The following SNX15 variants were observed in gnomAD, a reference collection of about 807,000 sequenced individuals.
SNX15 encodes the protein sorting nexin-15.
Under a neutral mutation model 35.2 loss-of-function variants are expected in SNX15, and 29 were observed. The observed-to-expected ratio is 0.82, with a 90% CI of 0.61 to 1.12. SNX15 has a LOEUF of 1.12. Ranked by LOEUF, SNX15 falls within the 50% of genes most tolerant of loss-of-function variation. The pLI, the probability that SNX15 is intolerant of heterozygous loss-of-function variation, is 0.00. For missense variants in SNX15, 400 were observed against 451.5 expected (o/e 0.89, Z 1.03); for synonymous variants, 189 against 188.2 (o/e 1.00, Z -0.03).
chr11:65,038,350 T>C, intron 6 of SNX15: 1 of 1,182,004 alleles, frequency 8.5e-7, no homozygotes, highest in Non-Finnish European at 1.1e-6. Flanking sequence ...AAAGACATAA[T>C]TAGGAAGGTA....
Position 65,032,507 on chromosome 11 carries a change from G to T in SNX15, c.212G>T (p.Arg71Leu), listed in dbSNP as rs530595640. The change falls in exon 3 of 8, where the codon CGC becomes CTC. Residue 71 changes from arginine (R) to leucine (L), a missense_variant. Coordinates refer to ENST00000377244, the MANE Select transcript of SNX15 (RefSeq NM_013306.5). ...GCCTACACCCACCGCAACCTCTTCC[G>T]CCGCCTCGAGGAGTTCCCTGCTTTC... ...DLAYTHRNLFRRLEEFPAFPR... is the reference protein window; with the variant it reads ...DLAYTHRNLFLRLEEFPAFPR... 1.9e-6 allele frequency: 3 copies of T among 1,614,130 alleles called. No homozygotes were observed. The highest frequency in any genetic ancestry group is 2.5e-6 in the Non-Finnish European group (3 of 1,180,036).
chr11:65,031,287 G>T (rs995199796), intron 1 of SNX15, among the ~76,000 whole-genome samples: 7 of 152,214 alleles, frequency 4.6e-5, no homozygotes, highest in African/African-American at 1.7e-4. Flanking sequence ...GCCCCCTAAA[G>T]TGCTGGCATT....
Position 65,035,225 on chromosome 11 carries a change from A to T in SNX15, c.520+19A>T, listed in dbSNP as rs1284349433. On this transcript the variant is annotated intron_variant, in intron 5 of 7. Transcript: ENST00000377244. ...GTGCCAGGTACATCGGGGTGGGAGG[A>T]GGGAACCAGGGCTGGAGGGTGCAGA... 1 of 1,549,096 alleles carries T rather than the reference A, an allele frequency of 6.5e-7. No homozygotes were observed. The highest frequency in any genetic ancestry group is 2.3e-5 in the East Asian group (1 of 43,742).
At chr11:65,031,582 G>A (rs1471344016) in intron 1 of SNX15, among the ~76,000 whole-genome samples, 4 of 152,204 alleles carry the variant, frequency 2.6e-5, no homozygotes, top group Non-Finnish European at 5.9e-5. Flanking sequence ...GAAGTAGATG[G>A]AGGGACTTGG....
Position 65,032,296 on chromosome 11 carries a change from T to C in SNX15, c.135+93T>C, listed in dbSNP as rs1285855581. 1.9e-6 allele frequency: 3 copies of C among 1,571,428 alleles called. No homozygotes were observed. The East Asian group carries it at 6.7e-5, about 35-fold the overall frequency. On this transcript the variant is annotated intron_variant, in intron 2 of 7. Coordinates refer to ENST00000377244, the MANE Select transcript of SNX15 (RefSeq NM_013306.5). The stretch of plus-strand genomic sequence containing the variant: ...GGTAACTCTGCTTGGACATCGGCCC[T>C]CCTTCCTCCCTGTCCCTGGGCGAGG...
rs148167643 is a variant in SNX15 at position 65,027,545 on chromosome 11, G to A, written c.8G>A (p.Arg3His). The change falls in exon 1 of 8, where the codon CGC (arginine) becomes CAC (histidine). Residue 3 changes from arginine (R) to histidine (H), a missense_variant. Physicochemically the swap from Arg to His is conservative, Grantham distance 29. Coordinates refer to ENST00000377244, the MANE Select transcript of SNX15 (RefSeq NM_013306.5). The part of the protein sequence containing the change: MS[R>H]QAKDDFLRHY... ...CCGCTCCAGCTCGGTTTCATGTCCCGCCAGGCGAAGGATGACTTCCTGCGG... is the reference window on the plus strand; with the variant it reads ...CCGCTCCAGCTCGGTTTCATGTCCCACCAGGCGAAGGATGACTTCCTGCGG... 4 of 1,613,810 alleles carry A rather than the reference G, an allele frequency of 2.5e-6. No individual in the cohort carries two copies. Among genetic ancestry groups the A allele is most frequent in the South Asian group, 1.1e-5 (1 of 91,082 alleles).
Position 65,032,545 on chromosome 11 carries a change from G to C in SNX15, c.250G>C (p.Val84Leu). The stretch of plus-strand genomic sequence containing the variant: ...GTTCCCTGCTTTCCCCCGGGCCCAG[G>C]TGTTTGGTGAGTGTTAGATTGGGGC... ...EEFPAFPRAQ[V>L]FGRFEASVIE... Residue 84 changes from valine to leucine, a missense_variant, in exon 3 of 8, where the codon GTG becomes CTG. Physicochemically the swap from Val to Leu is conservative, Grantham distance 32. Coordinates refer to ENST00000377244, the MANE Select transcript of SNX15 (RefSeq NM_013306.5). The C allele has an allele frequency of 3.1e-6, 5 of 1,614,144 alleles. No individual in the cohort carries two copies. Among genetic ancestry groups the C allele is most frequent in the Non-Finnish European group, 4.2e-6 (5 of 1,180,024 alleles).
Position 65,027,461 on chromosome 11 carries a change from G to T in SNX15, c.-77G>T, listed in dbSNP as rs1946383744. On this transcript the variant is annotated 5_prime_UTR_variant, in exon 1 of 8. Transcript: ENST00000377244. Reference sequence around the variant, plus strand: ...AGCGCAGGCCTGGCGAGGCGGCGGCGGGCGGAGGCTGGGCCGGAGGGGTGG... The same window carrying T: ...AGCGCAGGCCTGGCGAGGCGGCGGCTGGCGGAGGCTGGGCCGGAGGGGTGG... The T allele has an allele frequency of 1.7e-6, 2 of 1,169,772 alleles. No homozygotes were observed. The highest frequency in any genetic ancestry group is 2.6e-6 in the Non-Finnish European group (2 of 779,656). 72.5% of individuals were successfully genotyped at this position (1,169,772 alleles called of 1,614,324 possible).
Position 65,039,791 on chromosome 11 carries a change from A to G in SNX15, c.1028A>G (p.Ter343=), listed in dbSNP as rs770939991. Residue 343 remains the stop codon, a stop_retained_variant, in exon 8 of 8, where the codon TAA becomes TGA. Transcript: ENST00000377244. ...CTGCACCTGTCTCAACTCCCACCCT[A>G]ACAGGGAGTGGGCCATTCCCTGGGA... The part of the protein sequence containing the change: ...LRLHLSQLPP[*] 2 of 1,601,468 alleles carry G rather than the reference A, an allele frequency of 1.2e-6. No homozygotes were observed. The highest frequency in any genetic ancestry group is 3.4e-5 in the Admixed American group (2 of 59,444).
rs374727432 is a variant in SNX15, at chr11:65,027,647, G to T, written c.99+11G>T. The T allele has an allele frequency of 5.0e-6, 8 of 1,604,244 alleles. No homozygotes were observed. The highest frequency in any genetic ancestry group is 4.3e-6 in the Non-Finnish European group (5 of 1,171,134). On this transcript the variant is annotated intron_variant, in intron 1 of 7. Transcript: ENST00000377244. ...AAAGTAACCGCGCAGGTGAGGTGGG[G>T]CCCAGCGCGTACTTTACCCTTTTAA...
Position 65,039,861 on chromosome 11 carries a change from T to A in SNX15, c.*69T>A. On this transcript the variant is annotated 3_prime_UTR_variant, in exon 8 of 8. Transcript: ENST00000377244. The stretch of plus-strand genomic sequence containing the variant: ...AGCCCCTTCTCCTCTCCCCAGGGCC[T>A]GGCCCTACCTCCTGGTCTTGTAATT... The A allele has an allele frequency of 9.8e-7, 1 of 1,020,164 alleles. No individual in the cohort carries two copies. Among genetic ancestry groups the A allele is most frequent in the Non-Finnish European group, 1.5e-6 (1 of 669,248 alleles). The allele number at this position is 1,020,164 out of a possible 1,614,324, so 63.2% of individuals were successfully genotyped here.
rs1001328180 is a variant in SNX15 at position 65,038,981 on chromosome 11, T to C, written c.922+152T>C. ...TGGGCAGATTTTTGTTTCTGTTTTT[T>C]TGTTGTTGTTGTTTTTAACCTCTTG... On this transcript the variant is annotated intron_variant, in intron 7 of 7. Transcript: ENST00000377244. The C allele has an allele frequency of 1.6e-5, 8 of 485,794 alleles. No individual in the cohort carries two copies. The East Asian group carries it at 2.7e-4, about 16-fold the overall frequency. The allele number at this position is 485,794 out of a possible 1,614,324, so 30.1% of individuals were successfully genotyped here.
intron 6 of SNX15, chr11:65,038,259 AT>A (rs1946526270): frequency 4.7e-6 from 5 of 1,068,190 alleles, no homozygotes; most frequent in East Asian, 6.1e-5. Context: ...TCTGGAGGGG[AT>A]TTTTGGATTT....
chr11:65,027,788 C>G, intron 1 of SNX15, 152 bp downstream of exon 1: 1 of 608,068 alleles, frequency 1.6e-6, no homozygotes, highest in Non-Finnish European at 2.9e-6. Context: ...GCTTAGTTTA[C>G]ATCTTTAACC....
chr11:65,029,523 C>T (rs10897544), intron 1 of SNX15, among the ~76,000 whole-genome samples: 103,052 of 148,226 alleles, frequency 0.7, 36,516 homozygotes, highest in African/African-American at 0.73. Flanking sequence ...TTATATAATA[C>T]AATGTATTAT....
intron 6 of SNX15, chr11:65,038,294 G>C (rs1946526617): frequency 8.8e-7 from 1 of 1,139,430 alleles, no homozygotes; most frequent in Non-Finnish European, 1.1e-6. Context: ...AGTCAAGAGG[G>C]AAATAGGACC....
Position 65,038,104 on chromosome 11 carries a change from T to C in SNX15, c.665-468T>C, listed in dbSNP as rs182824048. On this transcript the variant is annotated intron_variant, in intron 6 of 7. Coordinates refer to ENST00000377244, the MANE Select transcript of SNX15 (RefSeq NM_013306.5). ...GAGGACACCTGTCACTCACTGTCTT[T>C]ACATTTGGGGGCCTCAGCTGAAACT... is the stretch of plus-strand genomic sequence containing the variant. 284 of 193,874 alleles carry C rather than the reference T, an allele frequency of 1.5e-3. 1 individual carries two copies. Among genetic ancestry groups the C allele is most frequent in the Middle Eastern group, 2.6e-3 (1 of 388 alleles). The allele number at this position is 193,874 out of a possible 1,614,324, so 12.0% of individuals were successfully genotyped here.
chr11:65,029,401 C>A (rs1017392644), intron 1 of SNX15, among the ~76,000 whole-genome samples: 2 of 151,576 alleles, frequency 1.3e-5, no homozygotes, highest in African/African-American at 4.8e-5. Flanking sequence ...CATGATCCAC[C>A]CGCCTTGGCC....
At chr11:65,038,917 C>G in intron 7 of SNX15, 88 bp downstream of exon 7, 1 of 1,185,896 alleles carries the variant, frequency 8.4e-7, no homozygotes, top group Non-Finnish European at 1.1e-6. Flanking sequence ...AATCACGGAT[C>G]AGGAGCCCTT....
Sources: allele counts gnomAD v4.1 joint callset (sites outside exome capture counted in the v4.1 genomes callset), GRCh38; gene constraint gnomAD v4.1.1; transcripts MANE v1.5; gene names NCBI Gene and HGNC (gene_info 2026-07-23, HGNC 2026-07-21).